Variants in LYN observed in about 807,000 individuals in gnomAD.
The protein encoded by LYN is tyrosine-protein kinase Lyn.
LYN carries 12 observed loss-of-function variants against 65.0 expected under a neutral mutation model. The ratio of observed to expected loss-of-function variants is 0.18; its 90% CI spans 0.12 to 0.30. The LOEUF (loss-of-function observed/expected upper bound fraction) is 0.30, where lower values mean the gene tolerates loss of function less well. LYN is among the 10% of genes least tolerant of loss of function. The pLI is 1.00. For missense variants in LYN, 380 were observed against 623.2 expected, an observed-to-expected ratio of 0.61 and a Z score of 4.16; for synonymous variants, 222 against 221.2, an observed-to-expected ratio of 1.00 and a Z score of -0.03.
At chr8:55,960,332 T>C (rs1302447232) in intron 8 of LYN, among the ~76,000 whole-genome samples, 5 of 152,028 alleles carry the variant, frequency 3.3e-5, no homozygotes, top group African/African-American at 9.7e-5. Context: ...TTAATTGTGC[T>C]TTTCTTCCAG....
At chr8:55,943,169 C>T (rs996296777) in intron 2 of LYN, among the ~76,000 whole-genome samples, 4 of 152,164 alleles carry the variant, frequency 2.6e-5, no homozygotes, top group Admixed American at 6.5e-5. Flanking sequence ...AAATCTACTT[C>T]ATTTCCGAGC....
chr8:55,935,286 AGCC>A (rs1464069020), intron 1 of LYN, among the ~76,000 whole-genome samples: 3 of 152,202 alleles, frequency 2.0e-5, no homozygotes, highest in African/African-American at 4.8e-5. Context: ...AGATAGAGAA[AGCC>A]GTGCTATGCA....
chr8:55,978,192 G>A (rs761434964), intron 10 of LYN, among the ~76,000 whole-genome samples: 3 of 152,174 alleles, frequency 2.0e-5, no homozygotes, highest in South Asian at 2.1e-4. Flanking sequence ...AATGGGGATC[G>A]ACTGAGCATT....
intron 6 of LYN, among the ~76,000 whole-genome samples, 158 bp downstream of exon 6, chr8:55,950,942 G>A (rs756485340): frequency 1.4e-4 from 21 of 152,142 alleles, no homozygotes; most frequent in Non-Finnish European, 2.6e-4. Flanking sequence ...GTGATTAGTT[G>A]TGCTACTAAA....
chr8:55,969,884 G>T (rs957345817), intron 10 of LYN, 91 bp downstream of exon 10: 64 of 1,114,168 alleles, frequency 5.7e-5, no homozygotes, highest in Non-Finnish European at 8.2e-5. Context: ...CAGGGAGAAG[G>T]AATTTCTGTT....
chr8:56,008,988 T>C (rs750109190), intron 12 of LYN, among the ~76,000 whole-genome samples: 1 of 152,252 alleles, frequency 6.6e-6, no homozygotes, highest in Non-Finnish European at 1.5e-5. Flanking sequence ...TTTTCCAAAT[T>C]AATCCCTAAG....
intron 1 of LYN, among the ~76,000 whole-genome samples, chr8:55,884,005 G>C (rs1183567127): frequency 1.3e-5 from 2 of 152,222 alleles, no homozygotes; most frequent in Non-Finnish European, 2.9e-5. Context: ...AGATACCCAT[G>C]TGTAGAGAAT....
chr8:55,934,821 G>T (rs1352790528), intron 1 of LYN, among the ~76,000 whole-genome samples: 1 of 152,174 alleles, frequency 6.6e-6, no homozygotes, highest in East Asian at 1.9e-4. Context: ...CAAAGTGAAT[G>T]GAGGCTGGCA....
Position 56,013,591 on chromosome 8 carries a change from T to C in LYN, c.*3481T>C, listed in dbSNP as rs1178445279. Reference sequence around the variant, plus strand: ...CGGTCGGGGTCTGCTTTCTCTTTATTCCCCGTCCTCTCACAAACTACATCC... The same window carrying C: ...CGGTCGGGGTCTGCTTTCTCTTTATCCCCCGTCCTCTCACAAACTACATCC... On this transcript the variant is annotated 3_prime_UTR_variant, in exon 13 of 13. Coordinates refer to ENST00000519728, the MANE Select transcript of LYN (RefSeq NM_002350.4). 1.3e-5 allele frequency: 2 copies of C among 152,134 alleles called. No homozygotes were observed. The highest frequency in any genetic ancestry group is 4.8e-5 in the African/African-American group (2 of 41,408). The allele number at this position is 152,134 out of a possible 1,614,324, so 9.4% of individuals were successfully genotyped here.
Position 55,933,232 on chromosome 8 carries a change from C to G in LYN, c.-5-8623C>G, listed in dbSNP as rs564536771. On this transcript the variant is annotated intron_variant, in intron 1 of 12. Transcript: ENST00000519728. ...AACTATCCCATCTAATATGACATTA[C>G]GTAAATCTGAAATAATTAAAAGATA... Among the ~76,000 whole-genome samples the G allele has an allele frequency of 2.6e-4, 40 of 152,260 alleles. 1 individual carries two copies. In the South Asian group the frequency reaches 5.2e-3, roughly 20 times the overall value.
At chr8:55,976,344 AG>A (rs1162136664) in intron 10 of LYN, among the ~76,000 whole-genome samples, 2 of 147,708 alleles carry the variant, frequency 1.4e-5, no homozygotes, top group African/African-American at 5.0e-5. Context: ...AAAAAAAAAA[AG>A]AAGGAAGGAA....
At chr8:55,991,534 T>G (rs1405692198) in intron 10 of LYN, among the ~76,000 whole-genome samples, 1 of 152,194 alleles carries the variant, frequency 6.6e-6, no homozygotes, top group Admixed American at 6.5e-5. Context: ...GCATTATTAT[T>G]AATATGTTCT....
chr8:56,009,848 C>A, intron 12 of LYN, 60 bp from the exon 13 acceptor site: 3 of 1,393,250 alleles, frequency 2.2e-6, no homozygotes, highest in Admixed American at 1.7e-5. Context: ...CAGTGCTTGA[C>A]CCTCTGCCAG....
At position 56,010,175 on chromosome 8, in the gene LYN, C is replaced by T; in HGVS notation, c.*65C>T. ...TCATTTAGAGAGGAAAAGTAACCAT[C>T]ACTGGTTGCACTTATGATTTCATGT... On this transcript the variant is annotated 3_prime_UTR_variant, in exon 13 of 13. Coordinates refer to ENST00000519728, the MANE Select transcript of LYN (RefSeq NM_002350.4). The T allele has an allele frequency of 1.3e-6, 2 of 1,486,996 alleles. No individual in the cohort carries two copies. Among genetic ancestry groups the T allele is most frequent in the Non-Finnish European group, 1.9e-6 (2 of 1,069,546 alleles). The allele number at this position is 1,486,996 out of a possible 1,614,324, so 92.1% of individuals were successfully genotyped here.
rs1438236200 is a variant in LYN, at chr8:55,924,061, C to CT, written c.-5-17791dup. On this transcript the variant is annotated intron_variant, in intron 1 of 12. Coordinates refer to ENST00000519728, the MANE Select transcript of LYN (RefSeq NM_002350.4). ...CTGGTGGTACTTGTTTTTTCTTTTT[C>CT]TTTCTTTTTTTTTTTTATTATAGCA... Among the ~76,000 whole-genome samples, 334 of 148,538 alleles carry CT rather than the reference C, an allele frequency of 2.2e-3. 2 individuals carry two copies. The highest frequency in any genetic ancestry group is 7.9e-3 in the African/African-American group (316 of 39,896).
At chr8:55,961,451 A>G (rs183118337) in intron 8 of LYN, among the ~76,000 whole-genome samples, 1 of 152,288 alleles carries the variant, frequency 6.6e-6, no homozygotes, top group African/African-American at 2.4e-5. Flanking sequence ...AGAGGGATGA[A>G]AACCACCCTA....
rs184661273 is a variant in LYN at position 55,968,532 on chromosome 8, T to C, written c.974-1185T>C. Among the ~76,000 whole-genome samples the C allele has an allele frequency of 1.4e-4, 22 of 152,340 alleles. No homozygotes were observed. In the East Asian group the frequency reaches 4.2e-3, roughly 29 times the overall value. ...TTGGCCTCCCAAAGTGCTGGAATTA[T>C]AGGTGTGAGCCACCAAGCTTGGCCA... is the stretch of plus-strand genomic sequence containing the variant. On this transcript the variant is annotated intron_variant, in intron 9 of 12. Transcript: ENST00000519728.
At chr8:56,001,020 C>T (rs967613146) in intron 12 of LYN, among the ~76,000 whole-genome samples, 1 of 151,876 alleles carries the variant, frequency 6.6e-6, no homozygotes, top group Non-Finnish European at 1.5e-5. Context: ...GTGGAGCCTG[C>T]GTGGAGTGGC....
intron 12 of LYN, among the ~76,000 whole-genome samples, chr8:56,004,008 C>T (rs1302472975): frequency 6.9e-6 from 1 of 144,942 alleles, no homozygotes; most frequent in African/African-American, 2.5e-5. Flanking sequence ...TCTCACCTCA[C>T]TGCAACCTCC....
Sources: allele counts gnomAD v4.1 joint callset (sites outside exome capture counted in the v4.1 genomes callset), GRCh38; gene constraint gnomAD v4.1.1; transcripts MANE v1.5; gene names NCBI Gene and HGNC (gene_info 2026-07-23, HGNC 2026-07-21).